GPC5: variants seen among roughly 807,000 people sequenced by gnomAD.
The protein encoded by GPC5 is glypican 5, also known as glypican-5.
GPC5 carries 47 observed loss-of-function variants against 53.9 expected under a neutral mutation model. The ratio of observed to expected loss-of-function variants is 0.87; its 90% CI spans 0.69 to 1.11. The LOEUF (loss-of-function observed/expected upper bound fraction) is 1.11. Among genes scored for constraint, GPC5 ranks in the 50% most tolerant of loss-of-function variants. GPC5 has a pLI of 0.00. For synonymous variants in GPC5, 286 were observed against 263.3 expected (o/e 1.09, Z -0.84); for missense variants, 748 against 713.1 (o/e 1.05, Z -0.56).
chr13:92,739,985 A>G (rs1161223360), intron 7 of GPC5, among the ~76,000 whole-genome samples: 1 of 152,000 alleles, frequency 6.6e-6, no homozygotes, highest in Non-Finnish European at 1.5e-5. Flanking sequence ...GTCACCAGTG[A>G]CTTCCATATT....
At chr13:91,918,315 G>A (rs926055565) in intron 6 of GPC5, among the ~76,000 whole-genome samples, 2 of 152,144 alleles carry the variant, frequency 1.3e-5, no homozygotes, top group African/African-American at 2.4e-5. Context: ...TTCAAGATGA[G>A]ATTTTGGGTG....
chr13:91,807,064 C>CTAA (rs1273585566), intron 5 of GPC5, among the ~76,000 whole-genome samples: 2 of 152,064 alleles, frequency 1.3e-5, no homozygotes. Flanking sequence ...CCCACACCAA[C>CTAA]TAATATCAGA....
intron 7 of GPC5, among the ~76,000 whole-genome samples, chr13:92,194,258 T>C (rs1593982031): frequency 6.6e-6 from 1 of 152,322 alleles, no homozygotes; most frequent in Middle Eastern, 3.4e-3. Flanking sequence ...CAGTTCATCC[T>C]GTGTGCTTGG....
At chr13:92,143,101 C>T (rs1007614918) in intron 6 of GPC5, among the ~76,000 whole-genome samples, 3 of 151,848 alleles carry the variant, frequency 2.0e-5, no homozygotes, top group East Asian at 1.9e-4. Flanking sequence ...AGCAATGGTC[C>T]AGGTGTATTA....
In GPC5 at chr13:92,672,695, T is replaced by C. The variant is rs149347556; in HGVS notation, c.1562-193587T>C. 6.5e-3 allele frequency among the ~76,000 whole-genome samples: 996 copies of C among 152,262 alleles called. 10 individuals are homozygous for C. The highest frequency in any genetic ancestry group is 0.023 in the African/African-American group (953 of 41,552). On this transcript the variant is annotated intron_variant, in intron 7 of 7. Coordinates refer to ENST00000377067, the MANE Select transcript of GPC5 (RefSeq NM_004466.6). ...GGTACATATACACCATGGAATACTA[T>C]GCAGCTATAAAAAGGAACAGAGACC...
intron 6 of GPC5, among the ~76,000 whole-genome samples, chr13:91,947,489 T>A (rs1184267865): frequency 6.6e-6 from 1 of 152,192 alleles, no homozygotes; most frequent in Non-Finnish European, 1.5e-5. Flanking sequence ...CATAATTTAT[T>A]CCTACTCAAG....
intron 2 of GPC5, among the ~76,000 whole-genome samples, chr13:91,461,549 C>A (rs1323439463): frequency 1.3e-5 from 2 of 152,096 alleles, no homozygotes; most frequent in Non-Finnish European, 2.9e-5. Context: ...ATAATAGTAC[C>A]TTCTTCTAGG....
intron 7 of GPC5, among the ~76,000 whole-genome samples, chr13:92,789,145 C>G (rs1181705913): frequency 6.6e-6 from 1 of 152,046 alleles, no homozygotes; most frequent in Admixed American, 6.6e-5. Flanking sequence ...TGGGAGTATC[C>G]TAAGGAAAGC....
chr13:91,944,310 A>G (rs1273297338), intron 6 of GPC5, among the ~76,000 whole-genome samples: 1 of 151,964 alleles, frequency 6.6e-6, no homozygotes, highest in Non-Finnish European at 1.5e-5. Flanking sequence ...GTTAGCCAGG[A>G]TGGTCTCGAT....
At chr13:92,011,274 A>G (rs1388514901) in intron 6 of GPC5, among the ~76,000 whole-genome samples, 8 of 152,194 alleles carry the variant, frequency 5.3e-5, no homozygotes, top group African/African-American at 1.9e-4. Flanking sequence ...TTGGTCCATA[A>G]GTATAAATAT....
At chr13:91,609,447 G>T (rs1213565900) in intron 2 of GPC5, among the ~76,000 whole-genome samples, 2 of 152,208 alleles carry the variant, frequency 1.3e-5, no homozygotes, top group Non-Finnish European at 2.9e-5. Context: ...TCATGCACCA[G>T]TATCAACCCC....
intron 7 of GPC5, among the ~76,000 whole-genome samples, chr13:92,272,224 T>C (rs1166545404): frequency 6.6e-6 from 1 of 152,092 alleles, no homozygotes; most frequent in Non-Finnish European, 1.5e-5. Flanking sequence ...TTTTAGCCAA[T>C]ATTTACCTGT....
At chr13:91,477,158 TTA>T (rs1004244326) in intron 2 of GPC5, among the ~76,000 whole-genome samples, 5 of 151,834 alleles carry the variant, frequency 3.3e-5, no homozygotes, top group African/African-American at 9.7e-5. Flanking sequence ...TTTCTGCAGT[TTA>T]TATATATATA....
Position 92,211,679 on chromosome 13 carries a change from C to T in GPC5, c.1561+66690C>T, listed in dbSNP as rs748356295. Among the ~76,000 whole-genome samples, 230 of 152,188 alleles carry T rather than the reference C, an allele frequency of 1.5e-3. 1 individual carries two copies. The highest frequency in any genetic ancestry group is 3.0e-3 in the Non-Finnish European group (205 of 68,034). On this transcript the variant is annotated intron_variant, in intron 7 of 7. Coordinates refer to ENST00000377067, the MANE Select transcript of GPC5 (RefSeq NM_004466.6). The stretch of plus-strand genomic sequence containing the variant: ...TTCAGGAGAGAGCCCCAGCAATCTG[C>T]ATTTTAATAAGCCCTCCAGGTGATT...
intron 6 of GPC5, among the ~76,000 whole-genome samples, chr13:92,046,364 C>T (rs1278851468): frequency 6.6e-6 from 1 of 152,144 alleles, no homozygotes; most frequent in Non-Finnish European, 1.5e-5. Flanking sequence ...CAAGCAAACT[C>T]CTCCATCCAA....
chr13:92,629,656 G>A (rs953613813), intron 7 of GPC5, among the ~76,000 whole-genome samples: 1 of 152,136 alleles, frequency 6.6e-6, no homozygotes, highest in Non-Finnish European at 1.5e-5. Context: ...AAGTCATAAA[G>A]TGTGAGCACC....
At chr13:92,394,023 G>A (rs554965119) in intron 7 of GPC5, among the ~76,000 whole-genome samples, 1 of 152,160 alleles carries the variant, frequency 6.6e-6, no homozygotes, top group South Asian at 2.1e-4. Flanking sequence ...TCAGAGGTCT[G>A]CCAGGAATAA....
intron 2 of GPC5, among the ~76,000 whole-genome samples, chr13:91,494,346 A>T (rs1277780076): frequency 6.8e-6 from 1 of 146,820 alleles, no homozygotes; most frequent in Non-Finnish European, 1.5e-5. Flanking sequence ...TATTATTATT[A>T]TTTTTATTAA....
In GPC5 at chr13:91,442,975, A is replaced by G. The variant is rs550618059; in HGVS notation, c.164-5786A>G. ...CCTATTTGCTTCTTTCTTTTTATTT[A>G]CTATTTTCCAAATTAATATAATCTT... On this transcript the variant is annotated intron_variant, in intron 1 of 7. Coordinates refer to ENST00000377067, the MANE Select transcript of GPC5 (RefSeq NM_004466.6). 4.9e-4 allele frequency among the ~76,000 whole-genome samples: 74 copies of G among 152,318 alleles called. No homozygotes were observed. In the South Asian group the frequency reaches 5.2e-3, roughly 11 times the overall value.
Sources: gnomAD v4.1 joint callset for allele counts (sites outside exome capture counted in the v4.1 genomes callset) on GRCh38, gnomAD v4.1.1 for gene constraint, MANE v1.5 for transcripts, NCBI Gene and HGNC (gene_info 2026-07-23, HGNC 2026-07-21) for gene names.